Variants in DPP10 observed in about 807,000 individuals in gnomAD.
DPP10 encodes the protein dipeptidyl peptidase like 10.
Under a neutral mutation model 120.9 loss-of-function variants are expected in DPP10, and 33 were observed. That is an observed-to-expected ratio of 0.27 (90% CI 0.21 to 0.37). The LOEUF is 0.37. DPP10 is among the 10% of genes least tolerant of loss of function. The pLI is 1.00. For missense variants in DPP10, 816 were observed against 942.8 expected (o/e 0.87, Z 1.76); for synonymous variants, 337 against 326.1 (o/e 1.03, Z -0.36).
chr2:115,440,181 G>A (rs708647), intron 3 of DPP10, among the ~76,000 whole-genome samples: 70,310 of 151,808 alleles, frequency 0.46, 18,166 homozygotes, highest in African/African-American at 0.68. Context: ...GAGTGCATAT[G>A]TAAATATTTC....
intron 1 of DPP10, among the ~76,000 whole-genome samples, chr2:114,763,940 A>G (rs1370710755): frequency 3.3e-5 from 5 of 152,026 alleles, no homozygotes; most frequent in Admixed American, 6.6e-5. Flanking sequence ...CTGCAGTTTG[A>G]CTCCAGAGTA....
chr2:115,526,572 A>G (rs1370587293), intron 5 of DPP10, among the ~76,000 whole-genome samples: 2 of 152,124 alleles, frequency 1.3e-5, no homozygotes, highest in Non-Finnish European at 1.5e-5. Flanking sequence ...ATGGTTGTTG[A>G]GTGTTTTGTA....
At chr2:115,014,502 A>G (rs1172752350) in intron 1 of DPP10, among the ~76,000 whole-genome samples, 1 of 152,172 alleles carries the variant, frequency 6.6e-6, no homozygotes, top group African/African-American at 2.4e-5. Context: ...TCAGAGCAGA[A>G]CTGAAGGAGA....
At chr2:114,668,100 C>A (rs1698066563) in intron 1 of DPP10, among the ~76,000 whole-genome samples, 1 of 151,694 alleles carries the variant, frequency 6.6e-6, no homozygotes, top group Admixed American at 6.6e-5. Flanking sequence ...ACAGAATTAA[C>A]ATATGAAGAG....
intron 3 of DPP10, among the ~76,000 whole-genome samples, chr2:115,360,036 G>A (rs1395054624): frequency 3.3e-5 from 5 of 152,066 alleles, no homozygotes; most frequent in Non-Finnish European, 5.9e-5. Context: ...CTCGGATTGG[G>A]TTTCAGCTTT....
At chr2:115,762,734 T>G in intron 12 of DPP10, 124 bp downstream of exon 12, 1 of 1,088,484 alleles carries the variant, frequency 9.2e-7, no homozygotes, top group Middle Eastern at 2.0e-4. Flanking sequence ...AGAGTGATCC[T>G]TTTTCATTAA....
chr2:115,621,380 A>C (rs2084930860), intron 5 of DPP10, among the ~76,000 whole-genome samples: 1 of 152,204 alleles, frequency 6.6e-6, no homozygotes, highest in South Asian at 2.1e-4. Context: ...TGTTTTACTT[A>C]TGTTTGATAA....
At chr2:115,554,001 T>TCTCA (rs1491562929) in intron 5 of DPP10, among the ~76,000 whole-genome samples, 1 of 135,502 alleles carries the variant, frequency 7.4e-6, no homozygotes, top group Non-Finnish European at 1.6e-5. Context: ...TCTCTCTCTT[T>TCTCA]CACACACACA....
chr2:115,238,418 A>G (rs575162371), intron 1 of DPP10, among the ~76,000 whole-genome samples: 1 of 152,218 alleles, frequency 6.6e-6, no homozygotes, highest in Non-Finnish European at 1.5e-5. Flanking sequence ...TGCAAGGAGA[A>G]TAATGTTTTC....
chr2:115,744,626 C>G (rs541177205), intron 9 of DPP10, among the ~76,000 whole-genome samples: 99 of 150,386 alleles, frequency 6.6e-4, no homozygotes, highest in African/African-American at 2.3e-3. Flanking sequence ...TTCTTTGGCT[C>G]AAAACTTCTA....
chr2:114,684,478 C>T (rs1283533740), intron 1 of DPP10, among the ~76,000 whole-genome samples: 1 of 151,974 alleles, frequency 6.6e-6, no homozygotes, highest in Non-Finnish European at 1.5e-5. Flanking sequence ...TCTTTCCCTC[C>T]CTTTGGGCTG....
At chr2:114,842,191 A>T (rs924188925) in intron 1 of DPP10, among the ~76,000 whole-genome samples, 4 of 152,090 alleles carry the variant, frequency 2.6e-5, no homozygotes, top group African/African-American at 9.7e-5. Context: ...GAGGTGATAG[A>T]AGTAGGAGAG....
chr2:114,977,696 C>A (rs1365180702), intron 1 of DPP10, among the ~76,000 whole-genome samples: 1 of 152,120 alleles, frequency 6.6e-6, no homozygotes, highest in Non-Finnish European at 1.5e-5. Context: ...CCTCCAATCT[C>A]AAGAGCTATT....
intron 5 of DPP10, among the ~76,000 whole-genome samples, chr2:115,625,317 C>T (rs1487259331): frequency 1.3e-5 from 2 of 152,052 alleles, no homozygotes; most frequent in African/African-American, 4.8e-5. Context: ...TTTAAAATTA[C>T]TGTAATTGCA....
chr2:115,421,140 C>T (rs991270701), intron 3 of DPP10, among the ~76,000 whole-genome samples: 1 of 151,464 alleles, frequency 6.6e-6, no homozygotes, highest in Non-Finnish European at 1.5e-5. Flanking sequence ...TTTTAATTCA[C>T]CAATTATATA....
At chr2:115,267,601 C>T (rs2059512926) in intron 1 of DPP10, among the ~76,000 whole-genome samples, 1 of 152,128 alleles carries the variant, frequency 6.6e-6, no homozygotes, top group African/African-American at 2.4e-5. Flanking sequence ...CTACCTCTCT[C>T]ACCTTTATTT....
At chr2:115,336,387 T>G (rs757296037) in intron 2 of DPP10, among the ~76,000 whole-genome samples, 1 of 152,020 alleles carries the variant, frequency 6.6e-6, no homozygotes, top group Non-Finnish European at 1.5e-5. Context: ...ATTTAACCAA[T>G]AAGGATTCTG....
chr2:115,619,089 T>C (rs543933810), intron 5 of DPP10, among the ~76,000 whole-genome samples: 1 of 67,104 alleles, frequency 1.5e-5, no homozygotes, highest in Non-Finnish European at 2.7e-5. Context: ...TTGAGAGACA[T>C]TTGTCTCTCA....
At chr2:115,548,071 C>T (rs2079622458) in intron 5 of DPP10, among the ~76,000 whole-genome samples, 1 of 151,990 alleles carries the variant, frequency 6.6e-6, no homozygotes, top group Non-Finnish European at 1.5e-5. Flanking sequence ...CCAGAAGGAA[C>T]AAAATTATAA....
Sources: gnomAD v4.1 joint callset for allele counts (sites outside exome capture counted in the v4.1 genomes callset) on GRCh38, gnomAD v4.1.1 for gene constraint, MANE v1.5 for transcripts, NCBI Gene and HGNC (gene_info 2026-07-23, HGNC 2026-07-21) for gene names.